Variants in SPATA33 observed in about 807,000 individuals in gnomAD.
SPATA33 encodes the protein spermatogenesis associated 33.
In SPATA33, 10 loss-of-function variants were observed where a neutral mutation model predicts 8.9. The ratio of observed to expected loss-of-function variants is 1.12; its 90% CI spans 0.69 to 1.90. The LOEUF (loss-of-function observed/expected upper bound fraction) is 1.90, where lower values mean the gene tolerates loss of function less well. Among genes scored for constraint, SPATA33 ranks in the 40% most tolerant of loss-of-function variants. The pLI, the probability that SPATA33 is intolerant of heterozygous loss-of-function variation, is 0.00. For missense variants in SPATA33, 241 were observed against 178.3 expected (o/e 1.35, Z -2.00); for synonymous variants, 96 against 72.8 (o/e 1.32, Z -1.63).
chr16:89,669,166 C>T (rs2060064676), intron 2 of SPATA33, 120 bp from the exon 3 acceptor site: 1 of 886,174 alleles, frequency 1.1e-6, no homozygotes, highest in Non-Finnish European at 1.8e-6. Flanking sequence ...TTGGACTCAC[C>T]CATTTTTTCT....
intron 2 of SPATA33, chr16:89,667,945 C>CA (rs2060048442): frequency 6.6e-6 from 1 of 152,390 alleles, no homozygotes; most frequent in African/African-American, 2.4e-5. Context: ...TATGGGTTGT[C>CA]AGAGACCTAT....
At chr16:89,658,190 G>C (rs960888258) in intron 1 of SPATA33, 58 bp from the exon 2 acceptor site, 2 of 1,604,830 alleles carry the variant, frequency 1.2e-6, no homozygotes, top group East Asian at 4.5e-5. Flanking sequence ...AAGACGATGG[G>C]ACCCACTGCC....
Position 89,660,725 on chromosome 16 carries a change from G to C in SPATA33, c.211+2304G>C, listed in dbSNP as rs969755226. 12 of 770,422 alleles carry C rather than the reference G, an allele frequency of 1.6e-5. No homozygotes were observed. In the Admixed American group the frequency reaches 4.8e-4, roughly 31 times the overall value. The allele number at this position is 770,422 out of a possible 1,614,324, so 47.7% of individuals were successfully genotyped here. On this transcript the variant is annotated intron_variant, in intron 2 of 2. Coordinates refer to ENST00000579310, the MANE Select transcript of SPATA33 (RefSeq NM_001271907.2). Reference sequence around the variant, plus strand: ...GAAGCAGATGAGTGGTTGCTGGGCAGAAATGGGAGCCGGCCACAGCTGAGC... The same window carrying C: ...GAAGCAGATGAGTGGTTGCTGGGCACAAATGGGAGCCGGCCACAGCTGAGC...
intron 2 of SPATA33, among the ~76,000 whole-genome samples, chr16:89,664,957 A>G (rs2060006424): frequency 6.6e-6 from 1 of 152,246 alleles, no homozygotes. Flanking sequence ...GTGCAGCAAT[A>G]GAAGTACACA....
chr16:89,658,224 TA>T (rs1378094852), intron 1 of SPATA33, 23 bp from the exon 2 acceptor site: 1 of 1,613,528 alleles, frequency 6.2e-7, no homozygotes, highest in Non-Finnish European at 8.5e-7. Context: ...GTCCCGGGTC[TA>T]ACGGATGATC....
intron 2 of SPATA33, chr16:89,659,791 C>T (rs1008725504): frequency 2.0e-5 from 3 of 152,258 alleles, no homozygotes; most frequent in Non-Finnish European, 4.4e-5. Context: ...TGGACTGCTT[C>T]ACACTGACAC....
chr16:89,670,404 G>C lies in SPATA33; in HGVS notation c.*907G>C, dbSNP rs1253343223. 1 of 152,356 alleles carries C rather than the reference G, an allele frequency of 6.6e-6. No individual in the cohort carries two copies. The highest frequency in any genetic ancestry group is 2.4e-5 in the African/African-American group (1 of 41,470). The allele number at this position is 152,356 out of a possible 1,614,324, so 9.4% of individuals were successfully genotyped here. On this transcript the variant is annotated 3_prime_UTR_variant, in exon 3 of 3. Transcript: ENST00000579310. ...GGTCGAGGCAAGAGTGACTGGCTCA[G>C]AGAGCGAGCTTTGTGGTATTGATAA...
rs2060072518 is a variant in SPATA33 at position 89,669,569 on chromosome 16, G to A, written c.*72G>A. On this transcript the variant is annotated 3_prime_UTR_variant, in exon 3 of 3. Coordinates refer to ENST00000579310, the MANE Select transcript of SPATA33 (RefSeq NM_001271907.2). The stretch of plus-strand genomic sequence containing the variant: ...CGGGAACAGCCGCCTCACCCTGTGA[G>A]AAGCCGAGGCCCCTTCTCCAGTGCT... 28 of 1,494,248 alleles carry A rather than the reference G, an allele frequency of 1.9e-5. No homozygotes were observed. The South Asian group carries it at 2.6e-4, about 14-fold the overall frequency. 92.6% of individuals were successfully genotyped at this position (1,494,248 alleles called of 1,614,324 possible).
chr16:89,658,041 G>A lies in SPATA33; in HGVS notation c.37+93G>A, dbSNP rs746633803. The A allele has an allele frequency of 2.3e-5, 34 of 1,457,636 alleles. No homozygotes were observed. In the East Asian group the frequency reaches 5.6e-4, roughly 24 times the overall value. The allele number at this position is 1,457,636 out of a possible 1,614,324, so 90.3% of individuals were successfully genotyped here. A position where few individuals can be genotyped will look rare whatever the true frequency, so the allele number is the denominator to read the frequency against. On this transcript the variant is annotated intron_variant, in intron 1 of 2. Transcript: ENST00000579310. Reference sequence around the variant, plus strand: ...GGCTGGGCGGGGCGGTGTGAGCGCAGGCGCCAGGCTCGGCCCGGTGCGAAC... The same window carrying A: ...GGCTGGGCGGGGCGGTGTGAGCGCAAGCGCCAGGCTCGGCCCGGTGCGAAC...
intron 2 of SPATA33, among the ~76,000 whole-genome samples, chr16:89,665,714 A>G: frequency 6.6e-6 from 1 of 152,218 alleles, no homozygotes; most frequent in East Asian, 1.9e-4. Flanking sequence ...CTTCTGTAAA[A>G]TCAGTCAACA....
chr16:89,668,408 C>G (rs1357935292), intron 2 of SPATA33, among the ~76,000 whole-genome samples: 1 of 152,264 alleles, frequency 6.6e-6, no homozygotes, highest in African/African-American at 2.4e-5. Context: ...AGTGTCCCCA[C>G]AAAGCTGTAA....
At chr16:89,666,814 C>T (rs2060032367) in intron 2 of SPATA33, among the ~76,000 whole-genome samples, 1 of 152,124 alleles carries the variant, frequency 6.6e-6, no homozygotes, top group African/African-American at 2.4e-5. Context: ...CCCTGCCTGG[C>T]AGCCAAGGCA....
rs74033825 is a variant in SPATA33, at chr16:89,658,933, A to G, written c.211+512A>G. On this transcript the variant is annotated intron_variant, in intron 2 of 2. Transcript: ENST00000579310. ...TGTGTGTGGGGAAGATGAGGCCCCA[A>G]AAGTAGGAAGAAGCTAGAATACAAA... is the stretch of plus-strand genomic sequence containing the variant. The G allele has an allele frequency of 5.0e-3, 768 of 155,094 alleles. 7 individuals are homozygous for G. Among genetic ancestry groups the G allele is most frequent in the African/African-American group, 0.018 (738 of 41,604 alleles). 9.6% of individuals were successfully genotyped at this position (155,094 alleles called of 1,614,324 possible).
chr16:89,669,363 G>T lies in SPATA33; in HGVS notation c.289G>T (p.Glu97Ter). 1 of 1,614,186 alleles carries T rather than the reference G, an allele frequency of 6.2e-7. No homozygotes were observed. The highest frequency in any genetic ancestry group is 1.7e-5 in the Admixed American group (1 of 60,020). ...PQIIITRASN[E>*]TLVSCSSSGS... The stretch of plus-strand genomic sequence containing the variant: ...GATCATCATCACGCGAGCGTCGAAT[G>T]AGACGCTAGTCAGTTGCAGTTCCAG... Residue 97 changes from glutamate (E) to a stop codon, truncating the protein, a stop_gained, in exon 3 of 3, where the codon GAG becomes TAG. Coordinates refer to ENST00000579310, the MANE Select transcript of SPATA33 (RefSeq NM_001271907.2). LOFTEE classifies it low-confidence loss of function (END_TRUNC).
intron 2 of SPATA33, among the ~76,000 whole-genome samples, chr16:89,664,866 C>T (rs1005265882): frequency 1.3e-5 from 2 of 152,250 alleles, no homozygotes; most frequent in Non-Finnish European, 2.9e-5. Flanking sequence ...AGCCACGCTG[C>T]ACCTGCACCC....
At chr16:89,660,381 C>G in intron 2 of SPATA33, 3 of 972,790 alleles carry the variant, frequency 3.1e-6, no homozygotes, top group Non-Finnish European at 2.7e-6. Flanking sequence ...CTGCCAGTAA[C>G]GGAAGTGGGG....
intron 2 of SPATA33, chr16:89,660,407 G>C (rs567652064): frequency 1.7e-6 from 2 of 1,195,918 alleles, no homozygotes; most frequent in African/African-American, 3.1e-5. Context: ...AGGACCGCCT[G>C]TTGGAAGGGC....
intron 2 of SPATA33, chr16:89,660,484 A>G (rs1317294795): frequency 1.6e-6 from 2 of 1,231,864 alleles, no homozygotes; most frequent in Non-Finnish European, 2.0e-6. Flanking sequence ...ACAGCAGAGC[A>G]AGAGTGAGAA....
chr16:89,661,674 C>A (rs1306504232), intron 2 of SPATA33, among the ~76,000 whole-genome samples: 1 of 151,992 alleles, frequency 6.6e-6, no homozygotes, highest in African/African-American at 2.4e-5. Context: ...TTACAGTCAC[C>A]TTATTCCACA....
Sources: gnomAD v4.1 joint callset for allele counts (sites outside exome capture counted in the v4.1 genomes callset) on GRCh38, gnomAD v4.1.1 for gene constraint, MANE v1.5 for transcripts, NCBI Gene and HGNC (gene_info 2026-07-23, HGNC 2026-07-21) for gene names.